Variants in ZNF317 observed in about 807,000 individuals in gnomAD.
ZNF317 encodes the protein KRAB-containing zinc finger protein 317.
ZNF317 carries 17 observed loss-of-function variants against 23.4 expected under a neutral mutation model. The observed-to-expected ratio is 0.73, with a 90% CI of 0.50 to 1.09. ZNF317 has a LOEUF of 1.09. ZNF317 is among the 50% of genes least tolerant of loss of function. The probability of loss-of-function intolerance (pLI) is 0.00; values close to 1 mark genes in which losing one functional copy is unlikely to be tolerated. For missense variants in ZNF317, 679 were observed against 796.7 expected, an observed-to-expected ratio of 0.85 and a Z score of 1.78; for synonymous variants, 317 against 314.9, an observed-to-expected ratio of 1.01 and a Z score of -0.07.
At chr19:9,150,382 G>GA (rs2050726001) in intron 1 of ZNF317, among the ~76,000 whole-genome samples, 1 of 152,200 alleles carries the variant, frequency 6.6e-6, no homozygotes, top group South Asian at 2.1e-4. Flanking sequence ...TTCCAGATGA[G>GA]AAAACTGAGT....
At chr19:9,147,394 C>T (rs2050695164) in intron 1 of ZNF317, among the ~76,000 whole-genome samples, 2 of 134,656 alleles carry the variant, frequency 1.5e-5, no homozygotes. Flanking sequence ...GGCTGGAGTG[C>T]AGTGGCACAG....
At chr19:9,141,191 T>C (rs770778891) in intron 1 of ZNF317, among the ~76,000 whole-genome samples, 4 of 152,232 alleles carry the variant, frequency 2.6e-5, no homozygotes, top group Non-Finnish European at 1.5e-5. Flanking sequence ...CATTGAATTT[T>C]ACCGTCTTAT....
rs1568316355 is a variant in ZNF317, at chr19:9,160,791, G to A, written c.1146G>A (p.Lys382=). Residue 382 remains lysine, a synonymous_variant, in exon 7 of 7, where the codon AAG becomes AAA. Transcript: ENST00000247956. This position sits in a 1 kb window ranked among gnomAD's most constrained non-coding sequence, Gnocchi z 6.8. ...AGTCCAACTTTAATTTGCACAAGAA[G>A]AACCACATGGTGGAGAAGACCTACG... The part of the protein sequence containing the change: ...RWKSNFNLHK[K]NHMVEKTYEC... The A allele has an allele frequency of 6.2e-7, 1 of 1,614,118 alleles. No individual in the cohort carries two copies. The highest frequency in any genetic ancestry group is 2.2e-5 in the East Asian group (1 of 44,854).
At chr19:9,141,796 TTTG>T (rs979127264) in intron 1 of ZNF317, among the ~76,000 whole-genome samples, 4 of 151,934 alleles carry the variant, frequency 2.6e-5, no homozygotes, top group Admixed American at 6.6e-5. Flanking sequence ...TAAAGTGTTT[TTTG>T]TTGTTGTTGT....
intron 1 of ZNF317, among the ~76,000 whole-genome samples, chr19:9,155,546 G>A: frequency 6.6e-6 from 1 of 152,142 alleles, no homozygotes; most frequent in East Asian, 1.9e-4. Flanking sequence ...ATTGGAGTTT[G>A]GAACTCATGG....
rs1282423211 is a variant in ZNF317 at position 9,147,329 on chromosome 19, GGTTTTTTTT to G, written c.-93+6738_-93+6746del. Among the ~76,000 whole-genome samples the G allele has an allele frequency of 6.2e-5, 8 of 128,504 alleles. No individual in the cohort carries two copies. The South Asian group carries it at 1.4e-3, about 22-fold the overall frequency. The allele number at this position is 128,504 out of a possible 152,430, so 84.3% of individuals were successfully genotyped here. On this transcript the variant is annotated intron_variant, in intron 1 of 6. Coordinates refer to ENST00000247956, the MANE Select transcript of ZNF317 (RefSeq NM_020933.5). ...ATGGTGACAGCATTCCAATGACACT[GGTTTTTTTT>G]TTTTTTTTTTTTTTTTTTTGAGATG...
chr19:9,156,503 T>A (rs550367149), intron 2 of ZNF317, 109 bp from the exon 3 acceptor site: 1 of 1,376,682 alleles, frequency 7.3e-7, no homozygotes, highest in African/African-American at 1.4e-5. Flanking sequence ...GAGAGAGGAT[T>A]GAGGATGTGA....
At chr19:9,157,913 C>T in intron 4 of ZNF317, 67 bp from the exon 5 acceptor site, 2 of 1,516,448 alleles carry the variant, frequency 1.3e-6, no homozygotes, top group Non-Finnish European at 1.8e-6. Flanking sequence ...GTGTTGAGCC[C>T]AGGCTACTGG....
At chr19:9,141,348 A>G (rs569825515) in intron 1 of ZNF317, among the ~76,000 whole-genome samples, 23 of 152,340 alleles carry the variant, frequency 1.5e-4, no homozygotes, top group African/African-American at 4.8e-4. Flanking sequence ...GCCAAGAAAG[A>G]GATTATTAAA....
chr19:9,157,698 T>TAA lies in ZNF317; in HGVS notation c.290-282_290-281insAA. ...TCCTATTTCTTTTTTTTTTTTTTTT[T>TAA]TTTTATTTTTGGTGATGAAGGGTTC... On this transcript the variant is annotated intron_variant, in intron 4 of 6. Coordinates refer to ENST00000247956, the MANE Select transcript of ZNF317 (RefSeq NM_020933.5). The TAA allele has an allele frequency of 6.9e-6, 3 of 435,712 alleles. No individual in the cohort carries two copies. In the African/African-American group the frequency reaches 1.2e-4, roughly 17 times the overall value. 27.0% of individuals were successfully genotyped at this position (435,712 alleles called of 1,614,324 possible).
At chr19:9,157,216 G>T in intron 3 of ZNF317, 52 bp from the exon 4 acceptor site, 1 of 1,598,014 alleles carries the variant, frequency 6.3e-7, no homozygotes, top group South Asian at 1.1e-5. Flanking sequence ...ATCTTACCAT[G>T]AACATCGTTA....
rs1394213255 is a variant in ZNF317, at chr19:9,157,254, G to C, written c.163-14G>C. 1 of 1,613,320 alleles carries C rather than the reference G, an allele frequency of 6.2e-7. No homozygotes were observed. The highest frequency in any genetic ancestry group is 1.1e-5 in the South Asian group (1 of 91,040). On this transcript the variant is annotated splice_polypyrimidine_tract_variant and intron_variant, in intron 3 of 6. Coordinates refer to ENST00000247956, the MANE Select transcript of ZNF317 (RefSeq NM_020933.5). ...CTGGTTCCTCGCTGACCCCAAGTTT[G>C]TGTGGCGTTCCAGGAATCGGTGACT...
In ZNF317 at chr19:9,160,282, A is replaced by T; in HGVS notation, c.637A>T (p.Met213Leu). The change falls in exon 7 of 7, where the codon ATG becomes TTG. Residue 213 changes from methionine to leucine, a missense_variant. Coordinates refer to ENST00000247956, the MANE Select transcript of ZNF317 (RefSeq NM_020933.5). This position sits in a 1 kb window ranked among gnomAD's most constrained non-coding sequence, Gnocchi z 6.8. ...FKGRPHLTQH[M>L]SMYDGRKMHE... The stretch of plus-strand genomic sequence containing the variant: ...GGGCAGGCCGCACCTCACTCAGCAC[A>T]TGAGCATGTACGACGGGAGAAAAAT... 6.2e-7 allele frequency: 1 copy of T among 1,614,214 alleles called. No homozygotes were observed. The highest frequency in any genetic ancestry group is 1.1e-5 in the South Asian group (1 of 91,082).
At chr19:9,148,673 T>C (rs1261774135) in intron 1 of ZNF317, among the ~76,000 whole-genome samples, 1 of 151,452 alleles carries the variant, frequency 6.6e-6, no homozygotes, top group Non-Finnish European at 1.5e-5. Context: ...GGCACTGGAA[T>C]GGTGAATGAA....
intron 2 of ZNF317, among the ~76,000 whole-genome samples, chr19:9,156,265 G>A (rs1183024180): frequency 1.3e-5 from 2 of 152,148 alleles, no homozygotes; most frequent in African/African-American, 2.4e-5. Flanking sequence ...TGCATGAAGA[G>A]GGTGCAGGTA....
chr19:9,156,409 C>T (rs1281524592), intron 2 of ZNF317, among the ~76,000 whole-genome samples: 1 of 152,128 alleles, frequency 6.6e-6, no homozygotes, highest in Non-Finnish European at 1.5e-5. Flanking sequence ...TAGCCCACCA[C>T]CCTCTTTATG....
In ZNF317 at chr19:9,161,515, A is replaced by C; in HGVS notation, c.*82A>C. On this transcript the variant is annotated 3_prime_UTR_variant, in exon 7 of 7. Coordinates refer to ENST00000247956, the MANE Select transcript of ZNF317 (RefSeq NM_020933.5). The surrounding 1 kb of genome is among the most constrained non-coding windows in gnomAD (Gnocchi z 4.0). ...TAAGAGGAAGCCTCTGTGAGCTCGC[A>C]CCTTACTGGGTGCAAAAGAATCCAC... The C allele has an allele frequency of 6.6e-7, 1 of 1,518,376 alleles. No individual in the cohort carries two copies. Among genetic ancestry groups the C allele is most frequent in the Non-Finnish European group, 8.8e-7 (1 of 1,132,814 alleles). 94.1% of individuals were successfully genotyped at this position (1,518,376 alleles called of 1,614,324 possible).
chr19:9,160,022 T>C lies in ZNF317; in HGVS notation c.469-92T>C. ...AGCTCTAGTCATAGTAATGTGCTTC[T>C]ATCTGTTCATAGCAGTGTATGTGGG... On this transcript the variant is annotated intron_variant, in intron 6 of 6. Transcript: ENST00000247956. This position sits in a 1 kb window ranked among gnomAD's most constrained non-coding sequence, Gnocchi z 6.8. The C allele has an allele frequency of 6.5e-7, 1 of 1,548,262 alleles. No homozygotes were observed. Among genetic ancestry groups the C allele is most frequent in the Non-Finnish European group, 8.8e-7 (1 of 1,138,100 alleles).
chr19:9,142,118 A>G (rs905462090), intron 1 of ZNF317, among the ~76,000 whole-genome samples: 4 of 152,222 alleles, frequency 2.6e-5, no homozygotes, highest in Non-Finnish European at 5.9e-5. Flanking sequence ...GTAAAGTTTT[A>G]TAAGTACCTG....
Sources: allele counts gnomAD v4.1 joint callset (sites outside exome capture counted in the v4.1 genomes callset), GRCh38; gene constraint gnomAD v4.1.1; non-coding constraint Gnocchi (gnomAD v3.1); transcripts MANE v1.5; gene names NCBI Gene and HGNC (gene_info 2026-07-23, HGNC 2026-07-21).